DLG1: variants seen among roughly 807,000 people sequenced by gnomAD.
The protein encoded by DLG1 is disks large homolog 1.
DLG1 carries 42 observed loss-of-function variants against 123.4 expected under a neutral mutation model. The observed-to-expected ratio is 0.34, with a 90% CI of 0.27 to 0.44. The LOEUF (loss-of-function observed/expected upper bound fraction) is 0.44, where lower values mean the gene tolerates loss of function less well. DLG1 is among the 20% of genes least tolerant of loss of function. The pLI, the probability that DLG1 is intolerant of heterozygous loss-of-function variation, is 1.00. For missense variants in DLG1, 942 were observed against 1,082.6 expected (o/e 0.87, Z 1.82); for synonymous variants, 317 against 356.2 (o/e 0.89, Z 1.24).
intron 4 of DLG1, among the ~76,000 whole-genome samples, chr3:197,228,860 T>C (rs1741341922): frequency 6.6e-6 from 1 of 152,208 alleles, no homozygotes; most frequent in Non-Finnish European, 1.5e-5. Flanking sequence ...TAATTACTAC[T>C]AGTCAGGCAT....
intron 5 of DLG1, among the ~76,000 whole-genome samples, chr3:197,179,409 C>A (rs552365260): frequency 1.3e-5 from 2 of 152,154 alleles, no homozygotes; most frequent in Non-Finnish European, 2.9e-5. Context: ...CTTTGGGGCA[C>A]CTCCCTTAAA....
intron 3 of DLG1, among the ~76,000 whole-genome samples, chr3:197,295,565 C>T (rs1189933711): frequency 6.6e-6 from 1 of 151,520 alleles, no homozygotes; most frequent in Non-Finnish European, 1.5e-5. Flanking sequence ...GGTACCTGGA[C>T]AAAAGAGCCA....
chr3:197,090,973 T>C lies in DLG1; in HGVS notation c.1600A>G (p.Ser534Gly), dbSNP rs1482995804. ...IHDLREQMMNSSISSGSGSLR... is the reference protein window; with the variant it reads ...IHDLREQMMNGSISSGSGSLR... ...GAACCTGACCCTGAACTAATACTAC[T>C]ATTCATCATCTGCTCCCGTAAATCA... is the stretch of plus-strand genomic sequence containing the variant. The change falls in exon 15 of 25, where the codon AGT becomes GGT. Residue 534 changes from serine to glycine, a missense_variant. Transcript: ENST00000667157. 5 of 1,612,530 alleles carry C rather than the reference T, an allele frequency of 3.1e-6. No homozygotes were observed. The East Asian group carries it at 1.1e-4, about 36-fold the overall frequency.
At chr3:197,280,270 C>T (rs1768583925) in intron 4 of DLG1, among the ~76,000 whole-genome samples, 1 of 152,084 alleles carries the variant, frequency 6.6e-6, no homozygotes, top group Non-Finnish European at 1.5e-5. Context: ...ATAATGACCT[C>T]CAGTTCCATC....
intron 19 of DLG1, among the ~76,000 whole-genome samples, chr3:197,068,739 A>T (rs944971872): frequency 2.6e-5 from 4 of 152,164 alleles, no homozygotes; most frequent in African/African-American, 9.7e-5. Flanking sequence ...TTTTCAGGTG[A>T]TCATTGAAAA....
At position 197,043,114 on chromosome 3, in the gene DLG1, G is replaced by A. The variant is rs878855420; in HGVS notation, c.*1509C>T. ...ATATTATTATTAATATGAAGGACCA[G>A]AGAAACTGATTTGTGAAATAATTTC... On this transcript the variant is annotated 3_prime_UTR_variant, in exon 25 of 25. Coordinates refer to ENST00000667157, the MANE Select transcript of DLG1 (RefSeq NM_001366207.1). The A allele has an allele frequency of 3.9e-5, 6 of 152,290 alleles. No homozygotes were observed. In the South Asian group the frequency reaches 1.2e-3, roughly 32 times the overall value. The allele number at this position is 152,290 out of a possible 1,614,324, so 9.4% of individuals were successfully genotyped here.
chr3:197,129,253 C>T lies in DLG1; in HGVS notation c.1165+1274G>A, dbSNP rs192345592. On this transcript the variant is annotated intron_variant, in intron 11 of 24. Coordinates refer to ENST00000667157, the MANE Select transcript of DLG1 (RefSeq NM_001366207.1). ...ATAGCCAGATCTTCTGGATAACTTG[C>T]TGCAGCTCCTACAGCAGCACTTGCT... Among the ~76,000 whole-genome samples, 4 of 152,304 alleles carry T rather than the reference C, an allele frequency of 2.6e-5. No individual in the cohort carries two copies. The East Asian group carries it at 7.7e-4, about 29-fold the overall frequency.
At chr3:197,107,585 A>C (rs1172035414) in intron 13 of DLG1, among the ~76,000 whole-genome samples, 1 of 151,758 alleles carries the variant, frequency 6.6e-6, no homozygotes, top group Non-Finnish European at 1.5e-5. Context: ...AAAAAAAAGG[A>C]TATACCACTT....
intron 4 of DLG1, among the ~76,000 whole-genome samples, chr3:197,224,243 G>T (rs554421147): frequency 2.6e-5 from 4 of 151,982 alleles, no homozygotes; most frequent in Admixed American, 6.5e-5. Context: ...AGGAGTGGAG[G>T]ATAGGGGAGG....
chr3:197,071,154 T>G (rs1743660552), intron 18 of DLG1, among the ~76,000 whole-genome samples: 1 of 152,130 alleles, frequency 6.6e-6, no homozygotes, highest in South Asian at 2.1e-4. Context: ...TCTGTTTACA[T>G]TAGTATTGGT....
chr3:197,268,021 T>C (rs186639833), intron 4 of DLG1, among the ~76,000 whole-genome samples: 6 of 152,366 alleles, frequency 3.9e-5, no homozygotes, highest in Non-Finnish European at 7.3e-5. Flanking sequence ...ATTTATTCTC[T>C]GATATGACTT....
At chr3:197,111,468 A>C (rs189916175) in intron 13 of DLG1, among the ~76,000 whole-genome samples, 1 of 152,366 alleles carries the variant, frequency 6.6e-6, no homozygotes, top group East Asian at 1.9e-4. Flanking sequence ...CTAAATAACT[A>C]GGTAATATGT....
chr3:197,102,504 C>T (rs139740860), intron 14 of DLG1, among the ~76,000 whole-genome samples: 4 of 152,298 alleles, frequency 2.6e-5, no homozygotes, highest in East Asian at 3.9e-4. Context: ...GTTGTGTGTG[C>T]GTGTAGCTAA....
chr3:197,229,919 C>T (rs1377533337), intron 4 of DLG1, among the ~76,000 whole-genome samples: 4 of 152,208 alleles, frequency 2.6e-5, no homozygotes, highest in Non-Finnish European at 5.9e-5. Flanking sequence ...ATGAGAGAAA[C>T]TCAAGGCTTG....
chr3:197,203,976 C>G (rs1727217134), intron 4 of DLG1, among the ~76,000 whole-genome samples: 1 of 152,180 alleles, frequency 6.6e-6, no homozygotes, highest in Admixed American at 6.5e-5. Flanking sequence ...GAATGAATCT[C>G]TCTGTGGCAG....
intron 22 of DLG1, among the ~76,000 whole-genome samples, chr3:197,063,682 C>T (rs138673508): frequency 2.0e-5 from 3 of 152,176 alleles, no homozygotes; most frequent in African/African-American, 7.2e-5. Context: ...TGAATAAATA[C>T]CCTTTTGCCC....
rs114809759 is a variant in DLG1 at position 197,144,272 on chromosome 3, A to G, written c.538-1504T>C. ...AGTATTATTTGCCTTTGCTTGGAATATATTTTCTTTAGAACCCAGCAGCTA... is the reference window on the plus strand; with the variant it reads ...AGTATTATTTGCCTTTGCTTGGAATGTATTTTCTTTAGAACCCAGCAGCTA... On this transcript the variant is annotated intron_variant, in intron 6 of 24. Transcript: ENST00000667157. Among the ~76,000 whole-genome samples, 887 of 152,296 alleles carry G rather than the reference A, an allele frequency of 5.8e-3. 3 individuals are homozygous for G. Among genetic ancestry groups the G allele is most frequent in the Non-Finnish European group, 8.6e-3 (586 of 68,020 alleles).
chr3:197,071,266 T>C (rs1372562667), intron 18 of DLG1, among the ~76,000 whole-genome samples: 1 of 152,154 alleles, frequency 6.6e-6, no homozygotes, highest in Non-Finnish European at 1.5e-5. Flanking sequence ...GAAACAGAAT[T>C]GGCAAATGTT....
chr3:197,241,761 A>G (rs950930890), intron 4 of DLG1, among the ~76,000 whole-genome samples: 17 of 152,212 alleles, frequency 1.1e-4, no homozygotes, highest in Non-Finnish European at 2.1e-4. Context: ...GTGATCTAAG[A>G]TAAGTTGTCA....
Sources: gnomAD v4.1 joint callset for allele counts (sites outside exome capture counted in the v4.1 genomes callset) on GRCh38, gnomAD v4.1.1 for gene constraint, MANE v1.5 for transcripts, NCBI Gene and HGNC (gene_info 2026-07-23, HGNC 2026-07-21) for gene names.